The following ERCC6L2 variants were observed in gnomAD, a reference collection of about 807,000 sequenced individuals.
The protein encoded by ERCC6L2 is DNA excision repair protein ERCC-6-like 2.
In ERCC6L2, 77 loss-of-function variants were observed where a neutral mutation model predicts 132.0. The observed-to-expected ratio is 0.58, with a 90% confidence interval of 0.49 to 0.71. The LOEUF (loss-of-function observed/expected upper bound fraction) is 0.71, where lower values mean the gene tolerates loss of function less well. Among genes scored for constraint, ERCC6L2 ranks in the 30% least tolerant of loss-of-function variants. The pLI, the probability that ERCC6L2 is intolerant of heterozygous loss-of-function variation, is 0.00. For missense variants in ERCC6L2, 1,542 were observed against 1,837.6 expected, an observed-to-expected ratio of 0.84 and a Z score of 2.94; for synonymous variants, 583 against 632.4, an observed-to-expected ratio of 0.92 and a Z score of 1.17.
In ERCC6L2 at chr9:96,015,015, G is replaced by GTTTTTTGTTTTT. The variant is rs1834150204; in HGVS notation, c.*1818_*1819insGTTTTTTTTTTT. On this transcript the variant is annotated 3_prime_UTR_variant, in exon 19 of 19. Coordinates refer to ENST00000653738, the MANE Select transcript of ERCC6L2 (RefSeq NM_020207.7). ...GCTCTATAGTCTTCATATATGTACA[G>GTTTTTTGTTTTT]TTTTTTTTTTTTTTTTTTTTTTTTT... 1.1e-4 allele frequency among the ~76,000 whole-genome samples: 7 copies of GTTTTTTGTTTTT among 65,426 alleles called. No homozygotes were observed. The highest frequency in any genetic ancestry group is 1.3e-4 in the African/African-American group (2 of 15,900). The allele number at this position is 65,426 out of a possible 152,430, so 42.9% of individuals were successfully genotyped here. A position where few individuals can be genotyped will look rare whatever the true frequency, so the allele number is the denominator to read the frequency against.
At chr9:95,998,581 A>C (rs1328577167) in intron 17 of ERCC6L2, among the ~76,000 whole-genome samples, 1 of 152,210 alleles carries the variant, frequency 6.6e-6, no homozygotes, top group African/African-American at 2.4e-5. Context: ...TGTGCAGAAC[A>C]GTTAGAGAAG....
chr9:95,993,899 T>C (rs956547744), intron 17 of ERCC6L2, among the ~76,000 whole-genome samples: 3 of 152,198 alleles, frequency 2.0e-5, no homozygotes, highest in Non-Finnish European at 4.4e-5. Flanking sequence ...TTGAACATCA[T>C]TTTTAAACAT....
At chr9:95,932,234 T>G (rs1382943637) in intron 11 of ERCC6L2, among the ~76,000 whole-genome samples, 1 of 152,004 alleles carries the variant, frequency 6.6e-6, no homozygotes, top group Non-Finnish European at 1.5e-5. Context: ...CCCAGCTAAT[T>G]TTTGTGTTTT....
chr9:96,027,188 ACACAT>A (rs1201815063), intron 19 of ERCC6L2, among the ~76,000 whole-genome samples: 2 of 150,072 alleles, frequency 1.3e-5, no homozygotes, highest in Non-Finnish European at 3.0e-5. Flanking sequence ...ACCACACACC[ACACAT>A]CACACCACAG....
intron 12 of ERCC6L2, 85 bp downstream of exon 12, chr9:95,941,634 G>T (rs1003344438): frequency 2.0e-5 from 19 of 964,510 alleles, no homozygotes; most frequent in Non-Finnish European, 2.9e-5. Context: ...CTTATACTAT[G>T]ACTATGATTA....
intron 2 of ERCC6L2, among the ~76,000 whole-genome samples, chr9:95,885,364 C>G (rs1457916469): frequency 6.6e-6 from 1 of 152,218 alleles, no homozygotes; most frequent in African/African-American, 2.4e-5. Flanking sequence ...ATGAACATGT[C>G]TATCACTCCT....
intron 5 of ERCC6L2, among the ~76,000 whole-genome samples, 165 bp from the exon 6 acceptor site, chr9:95,916,062 T>C (rs1161993368): frequency 6.6e-6 from 1 of 152,228 alleles, no homozygotes; most frequent in Non-Finnish European, 1.5e-5. Context: ...CATCCTCATA[T>C]CATAGTTAGA....
intron 19 of ERCC6L2, among the ~76,000 whole-genome samples, chr9:96,031,654 A>AG (rs1386555337): frequency 6.6e-6 from 1 of 152,270 alleles, no homozygotes; most frequent in East Asian, 1.9e-4. Context: ...CAGCGCCCTG[A>AG]GGGCAGTGAC....
intron 6 of ERCC6L2, among the ~76,000 whole-genome samples, chr9:95,917,097 A>G (rs890977979): frequency 1.3e-5 from 2 of 152,218 alleles, no homozygotes; most frequent in Non-Finnish European, 2.9e-5. Context: ...TCCACCACAC[A>G]GTGTATTCTT....
In ERCC6L2 at chr9:96,015,908, T is replaced by G. The variant is rs1456242195; in HGVS notation, c.*2705T>G. 6.6e-6 allele frequency among the ~76,000 whole-genome samples: 1 copy of G among 152,210 alleles called. No homozygotes were observed. The highest frequency in any genetic ancestry group is 2.4e-5 in the African/African-American group (1 of 41,446). On this transcript the variant is annotated 3_prime_UTR_variant, in exon 19 of 19. Transcript: ENST00000653738. ...TTGTCAGTGAAATATTTATCACTAT[T>G]ATGTAGGAAAGTGTGTCAGGTGGAA... is the stretch of plus-strand genomic sequence containing the variant.
At chr9:96,011,414 G>C (rs188858490) in intron 18 of ERCC6L2, among the ~76,000 whole-genome samples, 14 of 152,090 alleles carry the variant, frequency 9.2e-5, no homozygotes, top group Non-Finnish European at 1.9e-4. Context: ...ATACTGTTAC[G>C]TCCTGGGTTA....
chr9:96,013,079 C>T lies in ERCC6L2; in HGVS notation c.4529C>T (p.Ala1510Val), dbSNP rs749282233. The change falls in exon 19 of 19, where the codon GCA becomes GTA. Residue 1510 changes from alanine (A) to valine (V), a missense_variant. Ala to Val is a moderately conservative substitution (Grantham distance 64). Transcript: ENST00000653738. ...CTGTGTGAAAAAGCACCTCTAGCAGCACCCTTTAAAAGGAGAGAAGAGCCA... is the reference window on the plus strand; with the variant it reads ...CTGTGTGAAAAAGCACCTCTAGCAGTACCCTTTAAAAGGAGAGAAGAGCCA... Reference protein sequence around the residue: ...ETLCEKAPLAAPFKRREEPAT... With the variant: ...ETLCEKAPLAVPFKRREEPAT... The T allele has an allele frequency of 2.3e-5, 31 of 1,367,530 alleles. No individual in the cohort carries two copies. In the Admixed American group the frequency reaches 2.3e-4, roughly 10 times the overall value. 84.7% of individuals were successfully genotyped at this position (1,367,530 alleles called of 1,614,324 possible).
intron 2 of ERCC6L2, among the ~76,000 whole-genome samples, chr9:95,886,819 C>T (rs959679045): frequency 6.6e-6 from 1 of 152,066 alleles, no homozygotes; most frequent in Non-Finnish European, 1.5e-5. Context: ...AAAGACAGAC[C>T]CATCCTTAAT....
intron 11 of ERCC6L2, among the ~76,000 whole-genome samples, chr9:95,934,307 TATTAA>T (rs1171960233): frequency 1.3e-5 from 2 of 152,160 alleles, no homozygotes; most frequent in South Asian, 2.1e-4. Flanking sequence ...ATTTAAAATC[TATTAA>T]ATTATATAGG....
At chr9:95,961,109 C>T (rs1361072724) in intron 13 of ERCC6L2, among the ~76,000 whole-genome samples, 1 of 152,104 alleles carries the variant, frequency 6.6e-6, no homozygotes, top group Non-Finnish European at 1.5e-5. Flanking sequence ...TGTTTTGAGT[C>T]CATTGCACCC....
At chr9:96,000,423 A>C (rs1833625436) in intron 17 of ERCC6L2, among the ~76,000 whole-genome samples, 1 of 152,226 alleles carries the variant, frequency 6.6e-6, no homozygotes, top group Non-Finnish European at 1.5e-5. Context: ...TCTTATACAA[A>C]AAAGAAAAAA....
intron 16 of ERCC6L2, among the ~76,000 whole-genome samples, chr9:95,974,766 T>TA (rs1832590237): frequency 6.6e-6 from 1 of 151,988 alleles, no homozygotes; most frequent in Non-Finnish European, 1.5e-5. Context: ...TTTATACACA[T>TA]ATATGTGTAT....
chr9:95,943,106 T>C (rs1830881495), intron 12 of ERCC6L2, among the ~76,000 whole-genome samples: 2 of 152,252 alleles, frequency 1.3e-5, no homozygotes, highest in Admixed American at 1.3e-4. Context: ...ATTTACAATT[T>C]GTGGCTAAAA....
At chr9:95,930,017 T>G (rs1321949514) in intron 11 of ERCC6L2, among the ~76,000 whole-genome samples, 1 of 152,204 alleles carries the variant, frequency 6.6e-6, no homozygotes, top group Admixed American at 6.5e-5. Flanking sequence ...ATTTTTAATT[T>G]TAATCATACT....
Sources: allele counts gnomAD v4.1 joint callset (sites outside exome capture counted in the v4.1 genomes callset), GRCh38; gene constraint gnomAD v4.1.1; transcripts MANE v1.5; gene names NCBI Gene and HGNC (gene_info 2026-07-23, HGNC 2026-07-21).